SPAG7: variants seen among roughly 807,000 people sequenced by gnomAD.
SPAG7 encodes sperm associated antigen 7.
SPAG7 carries 20 observed loss-of-function variants against 30.6 expected under a neutral mutation model. That is an observed-to-expected ratio of 0.65 (90% CI 0.46 to 0.95). The LOEUF is 0.95. SPAG7 is among the 40% of genes least tolerant of loss of function. The pLI, the probability that SPAG7 is intolerant of heterozygous loss-of-function variation, is 0.00. For synonymous variants in SPAG7, 127 were observed against 104.2 expected (o/e 1.22, Z -1.33); for missense variants, 276 against 291.1 (o/e 0.95, Z 0.38).
chr17:4,967,633 G>A (rs772641615), intron 1 of SPAG7, 87 bp downstream of exon 1: 71 of 1,046,436 alleles, frequency 6.8e-5, no homozygotes, highest in Non-Finnish European at 1.0e-4. Context: ...GTCTTTCAAG[G>A]TTGAGGAGGC....
intron 1 of SPAG7, chr17:4,966,952 AT>A: frequency 3.0e-6 from 3 of 985,452 alleles, no homozygotes; most frequent in Non-Finnish European, 3.6e-6. Context: ...CGCCAGTATC[AT>A]CCCAAGCTGC....
chr17:4,966,956 CAAG>C, intron 1 of SPAG7: 3 of 985,532 alleles, frequency 3.0e-6, no homozygotes, highest in Non-Finnish European at 3.6e-6. Context: ...AGTATCATCC[CAAG>C]CTGCAACACG....
At chr17:4,963,343 T>TCAAAAA (rs994002942) in intron 1 of SPAG7, among the ~76,000 whole-genome samples, 35 of 151,040 alleles carry the variant, frequency 2.3e-4, no homozygotes, top group African/African-American at 7.3e-4. Flanking sequence ...CAAGACCCTG[T>TCAAAAA]CAAAAACAAA....
At chr17:4,965,144 G>T (rs1025830361) in intron 1 of SPAG7, among the ~76,000 whole-genome samples, 1 of 151,804 alleles carries the variant, frequency 6.6e-6, no homozygotes, top group South Asian at 2.1e-4. Flanking sequence ...AACTCCCGAC[G>T]TCAGGTGATC....
At chr17:4,961,977 G>A (rs911841295) in intron 1 of SPAG7, among the ~76,000 whole-genome samples, 2 of 152,106 alleles carry the variant, frequency 1.3e-5, no homozygotes, top group African/African-American at 2.4e-5. Context: ...GGCACCAGGC[G>A]AGACCCTGAA....
At chr17:4,962,818 G>C (rs1971885379) in intron 1 of SPAG7, among the ~76,000 whole-genome samples, 2 of 152,004 alleles carry the variant, frequency 1.3e-5, no homozygotes, top group Non-Finnish European at 2.9e-5. Flanking sequence ...AAAGTGCTAG[G>C]ATTACAAGTG....
intron 1 of SPAG7, among the ~76,000 whole-genome samples, chr17:4,962,199 C>T (rs1213977959): frequency 6.6e-6 from 1 of 151,956 alleles, no homozygotes; most frequent in African/African-American, 2.4e-5. Context: ...CTGCAAACTC[C>T]GTCTCCCAGG....
chr17:4,966,504 C>T (rs1395619865), intron 1 of SPAG7: 1 of 823,120 alleles, frequency 1.2e-6, no homozygotes, highest in East Asian at 1.2e-4. Context: ...TTAGAGAATT[C>T]CAGTTCCCCA....
Position 4,959,357 on chromosome 17 carries a change from C to T in SPAG7, c.*177G>A, listed in dbSNP as rs7220519. 1,092 of 609,458 alleles carry T rather than the reference C, an allele frequency of 1.8e-3. 7 individuals carry two copies. In the African/African-American group the frequency reaches 0.018, roughly 10 times the overall value. 37.8% of individuals were successfully genotyped at this position (609,458 alleles called of 1,614,324 possible). A position where few individuals can be genotyped will look rare whatever the true frequency, so the allele number is the denominator to read the frequency against. ...CTCTCACACACACACACACATGCCA[C>T]GCACATATCCAAGCTCCAACGGTGA... is the stretch of plus-strand genomic sequence containing the variant. On this transcript the variant is annotated 3_prime_UTR_variant, in exon 7 of 7. Transcript: ENST00000206020.
chr17:4,964,066 G>T (rs1440486816), intron 1 of SPAG7, among the ~76,000 whole-genome samples: 1 of 152,056 alleles, frequency 6.6e-6, no homozygotes, highest in Non-Finnish European at 1.5e-5. Flanking sequence ...ATCACTTGAG[G>T]CTGGGAGTTC....
rs569740688 is a variant in SPAG7, at chr17:4,961,653, T to G, written c.86-800A>C. Among the ~76,000 whole-genome samples, 5 of 144,828 alleles carry G rather than the reference T, an allele frequency of 3.5e-5. No individual in the cohort carries two copies. The East Asian group carries it at 1.0e-3, about 29-fold the overall frequency. On this transcript the variant is annotated intron_variant, in intron 1 of 6. Transcript: ENST00000206020. ...GGTGGTGGGCGCCTGTAGTCCCCACTACTCGGGAGGCTGAGGCAGGAGAAT... is the reference window on the plus strand; with the variant it reads ...GGTGGTGGGCGCCTGTAGTCCCCACGACTCGGGAGGCTGAGGCAGGAGAAT...
intron 1 of SPAG7, among the ~76,000 whole-genome samples, chr17:4,963,585 A>G (rs1376260316): frequency 6.7e-6 from 1 of 149,322 alleles, no homozygotes; most frequent in Non-Finnish European, 1.5e-5. Context: ...CAGCCTCCTG[A>G]GTAGCTGGGA....
At chr17:4,961,139 T>G (rs994995059) in intron 1 of SPAG7, among the ~76,000 whole-genome samples, 1 of 152,172 alleles carries the variant, frequency 6.6e-6, no homozygotes, top group Non-Finnish European at 1.5e-5. Flanking sequence ...TAAAGTTTAA[T>G]TTATAAATTA....
intron 1 of SPAG7, 82 bp downstream of exon 1, chr17:4,967,638 G>A: frequency 9.3e-7 from 1 of 1,078,774 alleles, no homozygotes; most frequent in East Asian, 2.4e-5. Flanking sequence ...TCAAGGTTGA[G>A]GAGGCGGCAT....
intron 1 of SPAG7, chr17:4,966,416 A>T: frequency 4.3e-6 from 1 of 233,278 alleles, no homozygotes; most frequent in Admixed American, 6.5e-5. Context: ...TAACCATGTG[A>T]CCTCAGGCGA....
intron 1 of SPAG7, among the ~76,000 whole-genome samples, chr17:4,964,733 C>G (rs1024795508): frequency 6.6e-6 from 1 of 151,160 alleles, no homozygotes; most frequent in African/African-American, 2.4e-5. Flanking sequence ...GAACCTCTCC[C>G]CATCATTTAT....
rs781375558 is a variant in SPAG7, at chr17:4,959,655, G to C, written c.575-12C>G. 9.3e-6 allele frequency: 15 copies of C among 1,613,596 alleles called. No individual in the cohort carries two copies. The highest frequency in any genetic ancestry group is 2.2e-5 in the East Asian group (1 of 44,882). ...ATTGGCCACGGGCACTAGGGGCAGA[G>C]AGGAGGGTAGGGCGGGCCTAGAAAT... is the stretch of plus-strand genomic sequence containing the variant. On this transcript the variant is annotated splice_polypyrimidine_tract_variant and intron_variant, in intron 6 of 6. Transcript: ENST00000206020.
At position 4,959,502 on chromosome 17, in the gene SPAG7, C is replaced by T. The variant is rs201487825; in HGVS notation, c.*32G>A. On this transcript the variant is annotated 3_prime_UTR_variant, in exon 7 of 7. Coordinates refer to ENST00000206020, the MANE Select transcript of SPAG7 (RefSeq NM_004890.3). Reference sequence around the variant, plus strand: ...TTGTCTCTCCCTGCCCCCTGCCCTGCCCCAGGGGTCAAAGGGAGCTGGGCG... The same window carrying T: ...TTGTCTCTCCCTGCCCCCTGCCCTGTCCCAGGGGTCAAAGGGAGCTGGGCG... 9.6e-6 allele frequency: 15 copies of T among 1,569,754 alleles called. No homozygotes were observed. In the African/African-American group the frequency reaches 1.2e-4, roughly 13 times the overall value.
intron 1 of SPAG7, among the ~76,000 whole-genome samples, chr17:4,963,820 C>T (rs1397614810): frequency 1.3e-5 from 2 of 152,168 alleles, no homozygotes; most frequent in East Asian, 3.9e-4. Context: ...CTTCTATAGA[C>T]AGGATGAAGC....
Sources: gnomAD v4.1 joint callset for allele counts (sites outside exome capture counted in the v4.1 genomes callset) on GRCh38, gnomAD v4.1.1 for gene constraint, MANE v1.5 for transcripts, NCBI Gene and HGNC (gene_info 2026-07-23, HGNC 2026-07-21) for gene names.